The following DGKK variants were observed in gnomAD, a reference collection of about 807,000 sequenced individuals.
DGKK encodes diacylglycerol kinase kappa, also known as 142 kDa diacylglycerol kinase.
Under a neutral mutation model 92.2 loss-of-function variants are expected in DGKK, and 35 were observed. That is an observed-to-expected ratio of 0.38 (90% CI 0.29 to 0.50). DGKK has a LOEUF of 0.50. DGKK is among the 20% of genes least tolerant of loss of function. The probability of loss-of-function intolerance (pLI) is 0.92; values close to 1 mark genes in which losing one functional copy is unlikely to be tolerated. For missense variants in DGKK, 910 were observed against 992.2 expected (o/e 0.92, Z 1.11); for synonymous variants, 368 against 360.6 (o/e 1.02, Z -0.23).
In DGKK at chrX:50,370,566, G is replaced by A. The variant is rs781955362; in HGVS notation, c.3613-17C>T. The A allele has an allele frequency of 2.9e-5, 34 of 1,188,166 alleles. No individual in the cohort carries two copies. Among genetic ancestry groups the A allele is most frequent in the African/African-American group, 2.5e-4 (14 of 56,709 alleles). ...AGATTTTTCCTGAGAAACCACAAGA[G>A]GAAGGTCAAAATGTTAGTTGCCTAA... On this transcript the variant is annotated splice_polypyrimidine_tract_variant and intron_variant, in intron 26 of 27. Transcript: ENST00000611977.
Position 50,470,800 on chromosome X carries a change from T to C in DGKK, c.-122A>G, listed in dbSNP as rs781880500. 1.8e-4 allele frequency: 150 copies of C among 830,342 alleles called. No homozygotes were observed. The highest frequency in any genetic ancestry group is 1.4e-3 in the Middle Eastern group (3 of 2,210). 68.4% of individuals were successfully genotyped at this position (830,342 alleles called of 1,213,427 possible). ...TCGCAGGGTGCCAAACTTTCCCCCA[T>C]CCCACTCCATGGCTGGCTTGGCTCT... On this transcript the variant is annotated 5_prime_UTR_variant, in exon 1 of 28. The change abolishes an upstream ATG in the 5' untranslated region. Coordinates refer to ENST00000611977, the MANE Select transcript of DGKK (RefSeq NM_001013742.4).
At position 50,379,653 on chromosome X, in the gene DGKK, A is replaced by G. The variant is rs1924365151; in HGVS notation, c.2836T>C (p.Phe946Leu). The change falls in exon 20 of 28, where the codon TTC becomes CTC. Residue 946 changes from phenylalanine (F) to leucine (L), a missense_variant. Physicochemically the swap from Phe to Leu is conservative, Grantham distance 22. Coordinates refer to ENST00000611977, the MANE Select transcript of DGKK (RefSeq NM_001013742.4). Reference protein sequence around the residue: ...NITSYAGGINFWGSNTATTEY... With the variant: ...NITSYAGGINLWGSNTATTEY... ...GTGGTTGCTGTGTTGCTTCCCCAGAAGTTGATACCTCCAGCATAGCTGGTA... is the reference window on the plus strand; with the variant it reads ...GTGGTTGCTGTGTTGCTTCCCCAGAGGTTGATACCTCCAGCATAGCTGGTA... 2.5e-6 allele frequency: 3 copies of G among 1,211,093 alleles called. No homozygotes were observed. The East Asian group carries it at 8.9e-5, about 36-fold the overall frequency.
chrX:50,370,347 G>A, intron 27 of DGKK, 79 bp downstream of exon 27: 1 of 1,086,518 alleles, frequency 9.2e-7, no homozygotes, highest in Non-Finnish European at 1.2e-6. Context: ...CATTTCTAAT[G>A]GGGGCTTCAG....
intron 1 of DGKK, among the ~76,000 whole-genome samples, chrX:50,465,185 C>T (rs1557233842): frequency 1.8e-5 from 2 of 111,079 alleles, no homozygotes; most frequent in African/African-American, 6.5e-5. Flanking sequence ...CTTTTTTCAT[C>T]TTAAAATTTT....
At chrX:50,467,393 C>A (rs1289375802) in intron 1 of DGKK, among the ~76,000 whole-genome samples, 2 of 112,784 alleles carry the variant, frequency 1.8e-5, no homozygotes, top group African/African-American at 6.4e-5. Flanking sequence ...TGCTACAATA[C>A]CAGTCAACAA....
rs782070555 is a variant in DGKK, at chrX:50,371,834, G to T, written c.3502C>A (p.Leu1168Met). 4 of 1,166,332 alleles carry T rather than the reference G, an allele frequency of 3.4e-6. No individual in the cohort carries two copies. Among genetic ancestry groups the T allele is most frequent in the Middle Eastern group, 2.3e-4 (1 of 4,257 alleles). Residue 1168 changes from leucine (L) to methionine (M), a missense_variant and splice_region_variant, in exon 26 of 28, where the codon CTG becomes ATG. Coordinates refer to ENST00000611977, the MANE Select transcript of DGKK (RefSeq NM_001013742.4). ...DTTAFLDEKL[L>M]RSAEDETALQ... ...GCAGTCTCATCCTCAGCACTTCTCAGCTGGTACAGACAGGAAAAAGAGTAA... is the reference window on the plus strand; with the variant it reads ...GCAGTCTCATCCTCAGCACTTCTCATCTGGTACAGACAGGAAAAAGAGTAA...
intron 1 of DGKK, among the ~76,000 whole-genome samples, chrX:50,458,398 T>C (rs1926664046): frequency 9.1e-6 from 1 of 109,953 alleles, no homozygotes; most frequent in Admixed American, 9.9e-5. Flanking sequence ...TCATGGTTTC[T>C]TATTTCCACT....
At chrX:50,403,272 G>C (rs145278044) in intron 6 of DGKK, 89 bp from the exon 7 acceptor site, 12,538 of 1,074,102 alleles carry the variant, frequency 0.012, 81 homozygotes, top group Middle Eastern at 0.03. Context: ...ACTCCATGGA[G>C]GACATTAGGT....
intron 1 of DGKK, among the ~76,000 whole-genome samples, chrX:50,461,453 G>T (rs1557233343): frequency 1.8e-5 from 2 of 111,806 alleles, no homozygotes; most frequent in Non-Finnish European, 1.9e-5. Flanking sequence ...TGAGTGGTGG[G>T]GTACTAGATG....
intron 14 of DGKK, among the ~76,000 whole-genome samples, chrX:50,387,292 C>T (rs994690014): frequency 9.0e-6 from 1 of 111,662 alleles, no homozygotes; most frequent in Non-Finnish European, 1.9e-5. Context: ...CATGCACATA[C>T]CTGCTTGATG....
chrX:50,373,759 G>T (rs1217911638), intron 25 of DGKK, among the ~76,000 whole-genome samples: 1 of 112,150 alleles, frequency 8.9e-6, no homozygotes, highest in African/African-American at 3.2e-5. Context: ...TGAGAGGCAA[G>T]CACAGCACCT....
chrX:50,463,486 G>T (rs1269461273), intron 1 of DGKK, among the ~76,000 whole-genome samples: 4 of 96,377 alleles, frequency 4.2e-5, no homozygotes, highest in African/African-American at 1.6e-4. Flanking sequence ...CTCTCTACCT[G>T]TCCGGCTTTC....
intron 8 of DGKK, 30 bp from the exon 9 acceptor site, chrX:50,393,365 A>T (rs370181465): frequency 1.8e-5 from 20 of 1,138,731 alleles, no homozygotes; most frequent in Non-Finnish European, 2.3e-5. Context: ...AAGAAGAAAA[A>T]AAAGAACGGA....
At chrX:50,395,401 G>A (rs1226721708) in intron 8 of DGKK, among the ~76,000 whole-genome samples, 1 of 111,255 alleles carries the variant, frequency 9.0e-6, no homozygotes, top group African/African-American at 3.3e-5. Context: ...GCAACTTCTT[G>A]CCAACATCTA....
chrX:50,376,714 C>T (rs1230063981), intron 23 of DGKK, 44 bp downstream of exon 23: 2 of 1,106,994 alleles, frequency 1.8e-6, no homozygotes, highest in Non-Finnish European at 2.4e-6. Flanking sequence ...TCTCCCTATG[C>T]CTTCTTAGGA....
chrX:50,451,585 T>G (rs1934173), intron 1 of DGKK, among the ~76,000 whole-genome samples: 49,926 of 110,321 alleles, frequency 0.45, 9,722 homozygotes, highest in African/African-American at 0.76. Context: ...TCAGATATTG[T>G]TAGCTCAGAT....
chrX:50,380,259 G>A (rs900545958), intron 18 of DGKK, among the ~76,000 whole-genome samples, 182 bp from the exon 19 acceptor site: 1 of 111,692 alleles, frequency 9.0e-6, no homozygotes, highest in African/African-American at 3.3e-5. Flanking sequence ...TGAAGAAATG[G>A]GTTCCTGGGC....
At chrX:50,375,975 T>C in intron 24 of DGKK, 49 bp downstream of exon 24, 2 of 1,175,279 alleles carry the variant, frequency 1.7e-6, no homozygotes, top group Admixed American at 2.3e-5. Flanking sequence ...TTTCATCCTC[T>C]TTCCTATCTG....
At chrX:50,431,206 T>A in intron 1 of DGKK, among the ~76,000 whole-genome samples, 1 of 111,196 alleles carries the variant, frequency 9.0e-6, no homozygotes, top group Non-Finnish European at 1.9e-5. Flanking sequence ...AATTTTTTCA[T>A]CTTTTTGTAA....
Sources: gnomAD v4.1 joint callset for allele counts (sites outside exome capture counted in the v4.1 genomes callset) on GRCh38, gnomAD v4.1.1 for gene constraint, MANE v1.5 for transcripts, NCBI Gene and HGNC (gene_info 2026-07-23, HGNC 2026-07-21) for gene names.